The following EFS variants were observed in gnomAD, a reference collection of about 807,000 sequenced individuals.
The protein encoded by EFS is embryonal Fyn-associated substrate, also known as Cas scaffolding protein family member 3.
Under a neutral mutation model 42.2 loss-of-function variants are expected in EFS, and 34 were observed. The ratio of observed to expected loss-of-function variants is 0.81; its 90% confidence interval spans 0.61 to 1.07. The LOEUF is 1.07. Among genes scored for constraint, EFS ranks in the 50% least tolerant of loss-of-function variants. The pLI is 0.00. For missense variants in EFS, 717 were observed against 729.4 expected, an observed-to-expected ratio of 0.98 and a Z score of 0.20; for synonymous variants, 299 against 320.7, an observed-to-expected ratio of 0.93 and a Z score of 0.72.
intron 1 of EFS, among the ~76,000 whole-genome samples, chr14:23,363,849 A>G (rs886987793): frequency 2.0e-5 from 3 of 151,554 alleles, no homozygotes; most frequent in Middle Eastern, 3.4e-3. Flanking sequence ...TAGGTGGATC[A>G]CCTGAGCCCA....
intron 1 of EFS, among the ~76,000 whole-genome samples, 168 bp downstream of exon 1, chr14:23,364,840 G>A (rs1030218821): frequency 1.1e-4 from 17 of 152,048 alleles, no homozygotes; most frequent in African/African-American, 3.9e-4. Flanking sequence ...CAGGGGATGA[G>A]GAGTGAGAGG....
In EFS at chr14:23,360,755, G is replaced by A. The variant is rs751330577; in HGVS notation, c.97C>T (p.Arg33Trp). The A allele has an allele frequency of 1.4e-5, 23 of 1,613,936 alleles. 1 individual carries two copies. Among genetic ancestry groups the A allele is most frequent in the Middle Eastern group, 1.6e-4 (1 of 6,084 alleles). Residue 33 changes from arginine to tryptophan, a missense_variant, in exon 2 of 6, where the codon CGG becomes TGG. Transcript: ENST00000216733. ...ELSFRRGDVLRVLQREGAGGL... is the reference protein window; with the variant it reads ...ELSFRRGDVLWVLQREGAGGL... ...CCAGCGCCCTCTCTCTGCAGGACCC[G>A]TAGGACATCCCCTCGGCGGAAGGAC...
intron 1 of EFS, among the ~76,000 whole-genome samples, chr14:23,364,536 A>G (rs1481574740): frequency 2.0e-5 from 3 of 151,160 alleles, no homozygotes; most frequent in Admixed American, 2.0e-4. Context: ...CCTTTGCTCT[A>G]TCTCCCTTTT....
At position 23,359,725 on chromosome 14, in the gene EFS, C is replaced by A. The variant is rs201298718; in HGVS notation, c.753G>T (p.Gly251=). ...GCCCCAGCAGAGGCACATCGTAGAT[C>A]CCCTCATCAGTGCCCCCGCCCTCCC... is the stretch of plus-strand genomic sequence containing the variant. ...ADGEGGGTDE[G]IYDVPLLGPE... is the part of the protein sequence containing the mutation. Residue 251 remains glycine (G), a synonymous_variant, in exon 4 of 6, where the codon GGG becomes GGT. Coordinates refer to ENST00000216733, the MANE Select transcript of EFS (RefSeq NM_005864.4). The A allele has an allele frequency of 7.9e-6, 12 of 1,517,406 alleles. No individual in the cohort carries two copies. The Admixed American group carries it at 2.0e-4, about 26-fold the overall frequency. 94.0% of individuals were successfully genotyped at this position (1,517,406 alleles called of 1,614,324 possible). A position where few individuals can be genotyped will look rare whatever the true frequency, so the allele number is the denominator to read the frequency against.
Position 23,360,712 on chromosome 14 carries a change from C to T in EFS, c.140G>A (p.Cys47Tyr), listed in dbSNP as rs768529687. Residue 47 changes from cysteine (C) to tyrosine (Y), a missense_variant, in exon 2 of 6, where the codon TGC (cysteine) becomes TAC (tyrosine). Physicochemically the swap from Cys to Tyr is radical, Grantham distance 194. Transcript: ENST00000216733. The stretch of plus-strand genomic sequence containing the variant: ...CTGCTGGCCGTGTAGGGAGCAGAGG[C>T]ACCAGCCGTCCAGTCCACCAGCGCC... The part of the protein sequence containing the change: ...REGAGGLDGW[C>Y]LCSLHGQQGI... The T allele has an allele frequency of 6.2e-7, 1 of 1,613,956 alleles. No homozygotes were observed. The highest frequency in any genetic ancestry group is 8.5e-7 in the Non-Finnish European group (1 of 1,179,964).
In EFS at chr14:23,357,127, C is replaced by T. The variant is rs887757418; in HGVS notation, c.*99G>A. The T allele has an allele frequency of 9.5e-6, 11 of 1,161,144 alleles. No homozygotes were observed. The African/African-American group carries it at 1.7e-4, about 18-fold the overall frequency. 71.9% of individuals were successfully genotyped at this position (1,161,144 alleles called of 1,614,324 possible). A position where few individuals can be genotyped will look rare whatever the true frequency, so the allele number is the denominator to read the frequency against. ...AAGGGCAGGAAAGGGGAAAGATACC[C>T]CCATTTCTCCTAGTCCCTTAACAAA... On this transcript the variant is annotated 3_prime_UTR_variant, in exon 6 of 6. Coordinates refer to ENST00000216733, the MANE Select transcript of EFS (RefSeq NM_005864.4).
In EFS at chr14:23,364,988, C is replaced by G. The variant is rs1890274696; in HGVS notation, c.18+20G>C. 3.0e-6 allele frequency: 4 copies of G among 1,312,128 alleles called. No individual in the cohort carries two copies. In the African/African-American group the frequency reaches 6.0e-5, roughly 20 times the overall value. 81.3% of individuals were successfully genotyped at this position (1,312,128 alleles called of 1,614,324 possible). ...CGTGGAGGTCTCTCCCCGGCAGCCT[C>G]CACTCCCTGGTGGACTCACCGACGT... On this transcript the variant is annotated intron_variant, in intron 1 of 5. Coordinates refer to ENST00000216733, the MANE Select transcript of EFS (RefSeq NM_005864.4).
At chr14:23,361,397 C>T (rs554544003) in intron 1 of EFS, among the ~76,000 whole-genome samples, 46 of 152,126 alleles carry the variant, frequency 3.0e-4, no homozygotes, top group Admixed American at 9.2e-4. Context: ...CTGGGAGAGG[C>T]CTAGTCCAGA....
intron 1 of EFS, among the ~76,000 whole-genome samples, chr14:23,362,909 C>A (rs1283137799): frequency 1.4e-5 from 2 of 143,882 alleles, no homozygotes; most frequent in East Asian, 2.0e-4. Flanking sequence ...CTTTCTTTTT[C>A]TTTCTTTCTT....
At chr14:23,363,817 C>T (rs1347390071) in intron 1 of EFS, among the ~76,000 whole-genome samples, 1 of 151,910 alleles carries the variant, frequency 6.6e-6, no homozygotes, top group African/African-American at 2.4e-5. Flanking sequence ...GCTTGTAGTC[C>T]CAGCTACTCA....
Position 23,359,515 on chromosome 14 carries a change from C to T in EFS, c.963G>A (p.Val321=). 2 of 1,551,146 alleles carry T rather than the reference C, an allele frequency of 1.3e-6. No homozygotes were observed. The highest frequency in any genetic ancestry group is 2.4e-5 in the South Asian group (2 of 82,388). The part of the protein sequence containing the change: ...PVPEAPSPSP[V]PSPAPGRKGS... The stretch of plus-strand genomic sequence containing the variant: ...CCTTCCGGCCTGGGGCAGGAGAGGG[C>T]ACTGGGGAGGGGCTGGGGGCCTCAG... Residue 321 remains valine (V), a synonymous_variant, in exon 4 of 6, where the codon GTG becomes GTA. Coordinates refer to ENST00000216733, the MANE Select transcript of EFS (RefSeq NM_005864.4).
At position 23,357,363 on chromosome 14, in the gene EFS, C is replaced by A. The variant is rs1889953055; in HGVS notation, c.1549G>T (p.Ala517Ser). The A allele has an allele frequency of 6.2e-7, 1 of 1,611,112 alleles. No homozygotes were observed. The highest frequency in any genetic ancestry group is 8.5e-7 in the Non-Finnish European group (1 of 1,177,850). ...AGTALGQALR[A>S]TVLAVKGAAL... ...GCTCCCTTGACAGCCAGCACAGTGG[C>A]CCGCAATGCCTGGCCCAGTGCTGTA... Residue 517 changes from alanine to serine, a missense_variant, in exon 6 of 6, where the codon GCC becomes TCC. Coordinates refer to ENST00000216733, the MANE Select transcript of EFS (RefSeq NM_005864.4).
chr14:23,359,899 G>A lies in EFS; in HGVS notation c.579C>T (p.Thr193=). 6.5e-7 allele frequency: 1 copy of A among 1,536,606 alleles called. No individual in the cohort carries two copies. The highest frequency in any genetic ancestry group is 8.7e-7 in the Non-Finnish European group (1 of 1,143,456). The change falls in exon 4 of 6, where the codon ACC becomes ACT. Residue 193 remains threonine, a synonymous_variant. Transcript: ENST00000216733. ...EDDAPYDVPL[T]PKPPAELEPD... ...GTTCCAGCTCTGCAGGTGGCTTTGG[G>A]GTCAGAGGCACATCATAGGGAGCAT...
At position 23,365,162 on chromosome 14, in the gene EFS, G is replaced by A. The variant is rs1890281147; in HGVS notation, c.-137C>T. 2 of 772,462 alleles carry A rather than the reference G, an allele frequency of 2.6e-6. No homozygotes were observed. Among genetic ancestry groups the A allele is most frequent in the Non-Finnish European group, 1.8e-6 (1 of 559,266 alleles). The allele number at this position is 772,462 out of a possible 1,614,324, so 47.9% of individuals were successfully genotyped here. On this transcript the variant is annotated 5_prime_UTR_variant, in exon 1 of 6. Coordinates refer to ENST00000216733, the MANE Select transcript of EFS (RefSeq NM_005864.4). This position sits in a 1 kb window ranked among gnomAD's most constrained non-coding sequence, Gnocchi z 5.3. ...AGTCGTGGCCTCCGCCAAGGTTGGA[G>A]GAGGAGAAAGAAAACCCACAAAACT...
chr14:23,362,874 C>T (rs1352469001), intron 1 of EFS, among the ~76,000 whole-genome samples: 2 of 151,878 alleles, frequency 1.3e-5, no homozygotes, highest in African/African-American at 2.4e-5. Context: ...ATTACCGTTG[C>T]GACCCACTGC....
intron 2 of EFS, 68 bp downstream of exon 2, chr14:23,360,487 C>CT: frequency 3.3e-6 from 5 of 1,512,874 alleles, no homozygotes; most frequent in Non-Finnish European, 4.4e-6. Flanking sequence ...GCTGCAGGCC[C>CT]TGGGTGGGGC....
Position 23,359,931 on chromosome 14 carries a change from C to T in EFS, c.547G>A (p.Glu183Lys), listed in dbSNP as rs752557869. Residue 183 changes from glutamate (E) to lysine (K), a missense_variant, in exon 4 of 6, where the codon GAG (glutamate) becomes AAG (lysine). Glu to Lys is a moderately conservative substitution (Grantham distance 56). Transcript: ENST00000216733. ...GGCACATCATAGGGAGCATCATCCT[C>T]TCCAGGGGGCTGCGGGGCAACCCGG... Reference protein sequence around the residue: ...LTRVAPQPPGEDDAPYDVPLT... With the variant: ...LTRVAPQPPGKDDAPYDVPLT... 8 of 1,560,910 alleles carry T rather than the reference C, an allele frequency of 5.1e-6. No individual in the cohort carries two copies. In the Admixed American group the frequency reaches 5.6e-5, roughly 11 times the overall value.
At chr14:23,361,106 G>T (rs1434359346) in intron 1 of EFS, among the ~76,000 whole-genome samples, 1 of 152,082 alleles carries the variant, frequency 6.6e-6, no homozygotes, top group Non-Finnish European at 1.5e-5. Flanking sequence ...TCCACCTATT[G>T]TTTCCATCCT....
At chr14:23,361,450 A>T (rs888320203) in intron 1 of EFS, among the ~76,000 whole-genome samples, 2 of 152,224 alleles carry the variant, frequency 1.3e-5, no homozygotes, top group Admixed American at 6.5e-5. Flanking sequence ...GAAACAAAGC[A>T]ATTGTTTTGC....
Sources: allele counts gnomAD v4.1 joint callset (sites outside exome capture counted in the v4.1 genomes callset), GRCh38; gene constraint gnomAD v4.1.1; non-coding constraint Gnocchi (gnomAD v3.1); transcripts MANE v1.5; gene names NCBI Gene and HGNC (gene_info 2026-07-23, HGNC 2026-07-21).